Variants in ATP8A2 observed in about 807,000 individuals in gnomAD.
ATP8A2 encodes phospholipid-transporting ATPase IB.
In ATP8A2, 100 loss-of-function variants were observed where a neutral mutation model predicts 165.6. The observed-to-expected ratio is 0.60, with a 90% CI of 0.51 to 0.71. The LOEUF is 0.71. Ranked by LOEUF, ATP8A2 falls within the 30% of genes least tolerant of loss-of-function variation. The probability of loss-of-function intolerance (pLI) is 0.00; values close to 1 mark genes in which losing one functional copy is unlikely to be tolerated. For synonymous variants in ATP8A2, 543 were observed against 548.8 expected, an observed-to-expected ratio of 0.99 and a Z score of 0.15; for missense variants, 1,227 against 1,479.5, an observed-to-expected ratio of 0.83 and a Z score of 2.80.
intron 33 of ATP8A2, among the ~76,000 whole-genome samples, chr13:25,950,042 C>T (rs1189838619): frequency 1.3e-5 from 2 of 152,138 alleles, no homozygotes; most frequent in African/African-American, 4.8e-5. Flanking sequence ...TCAGGTGATC[C>T]ACCTGCCTCT....
intron 35 of ATP8A2, among the ~76,000 whole-genome samples, chr13:25,986,407 G>C (rs959416924): frequency 4.6e-5 from 7 of 152,114 alleles, no homozygotes; most frequent in African/African-American, 1.7e-4. Context: ...TCTTCTCTTT[G>C]TTTGTGAGTT....
intron 24 of ATP8A2, among the ~76,000 whole-genome samples, chr13:25,653,986 A>G (rs1317818195): frequency 6.6e-6 from 1 of 152,164 alleles, no homozygotes; most frequent in Non-Finnish European, 1.5e-5. Flanking sequence ...GGCCTTGGGA[A>G]GAAAGGTGAG....
intron 27 of ATP8A2, among the ~76,000 whole-genome samples, chr13:25,820,032 A>G (rs1951134264): frequency 6.6e-6 from 1 of 152,208 alleles, no homozygotes. Flanking sequence ...GAGCAGAGTA[A>G]ATAGAAGAAC....
chr13:25,591,170 T>C (rs2040065452), intron 24 of ATP8A2: 1 of 413,548 alleles, frequency 2.4e-6, no homozygotes, highest in African/African-American at 2.0e-5. Context: ...TAAATTGTTG[T>C]GAAATACATC....
intron 33 of ATP8A2, among the ~76,000 whole-genome samples, chr13:25,921,041 G>A (rs1954437980): frequency 6.6e-6 from 1 of 152,134 alleles, no homozygotes; most frequent in Admixed American, 6.5e-5. Context: ...CTGCACTCCA[G>A]CTTGGGCAAC....
chr13:25,504,421 CTTTTTTTT>C (rs577817952), intron 2 of ATP8A2, among the ~76,000 whole-genome samples: 2 of 124,188 alleles, frequency 1.6e-5, no homozygotes, highest in Non-Finnish European at 3.4e-5. Flanking sequence ...CTTTCCTTTC[CTTTTTTTT>C]TTTTTTTTTT....
chr13:25,658,769 C>T (rs1566021823), intron 24 of ATP8A2, among the ~76,000 whole-genome samples: 1 of 152,206 alleles, frequency 6.6e-6, no homozygotes, highest in African/African-American at 2.4e-5. Flanking sequence ...AACCATACTT[C>T]TCTGAACTTT....
chr13:25,995,803 G>A (rs956445885), intron 35 of ATP8A2, among the ~76,000 whole-genome samples: 10 of 152,066 alleles, frequency 6.6e-5, no homozygotes, highest in African/African-American at 9.7e-5. Flanking sequence ...TTGGTTGATG[G>A]CGTTTGGCAG....
intron 35 of ATP8A2, among the ~76,000 whole-genome samples, chr13:26,009,756 T>A (rs1470340835): frequency 6.6e-6 from 1 of 152,052 alleles, no homozygotes; most frequent in African/African-American, 2.4e-5. Context: ...AAGCAAGAAG[T>A]CACATTTTTA....
chr13:25,605,071 A>G (rs2040481807), intron 24 of ATP8A2, among the ~76,000 whole-genome samples: 1 of 152,234 alleles, frequency 6.6e-6, no homozygotes, highest in Non-Finnish European at 1.5e-5. Context: ...ATGGTTCTTA[A>G]GCTGAGATAA....
At chr13:25,936,455 C>T (rs191043570) in intron 33 of ATP8A2, among the ~76,000 whole-genome samples, 39 of 152,282 alleles carry the variant, frequency 2.6e-4, no homozygotes, top group African/African-American at 7.2e-4. Flanking sequence ...AATGGGCCTG[C>T]GTATCAGGAC....
chr13:25,691,230 T>A (rs2042717798), intron 24 of ATP8A2, among the ~76,000 whole-genome samples: 1 of 152,112 alleles, frequency 6.6e-6, no homozygotes, highest in Admixed American at 6.6e-5. Flanking sequence ...GAGGGAACTT[T>A]GGGGATGATG....
At chr13:25,610,883 C>CT (rs56730760) in intron 24 of ATP8A2, among the ~76,000 whole-genome samples, 87,677 of 120,526 alleles carry the variant, frequency 0.73, 32,689 homozygotes, top group Admixed American at 0.8. Flanking sequence ...AGGTATATTC[C>CT]TTTTTTTTTT....
At chr13:25,992,424 G>A (rs1956413918) in intron 35 of ATP8A2, among the ~76,000 whole-genome samples, 1 of 151,782 alleles carries the variant, frequency 6.6e-6, no homozygotes, top group African/African-American at 2.4e-5. Flanking sequence ...TTTATATTGA[G>A]TTTTGAGAGT....
intron 30 of ATP8A2, among the ~76,000 whole-genome samples, chr13:25,856,864 G>A (rs1470350646): frequency 6.6e-6 from 1 of 152,174 alleles, no homozygotes; most frequent in Non-Finnish European, 1.5e-5. Context: ...GGGCTGCACA[G>A]TTATAACACG....
At position 25,983,681 on chromosome 13, in the gene ATP8A2, A is replaced by G. The variant is rs77871755; in HGVS notation, c.3377+15002A>G. ...TGTAGTTGTGAACTTAAAGGTGTAA[A>G]TATTGTCATCCTTTATGGAGATGTG... On this transcript the variant is annotated intron_variant, in intron 35 of 36. Coordinates refer to ENST00000381655, the MANE Select transcript of ATP8A2 (RefSeq NM_016529.6). Among the ~76,000 whole-genome samples, 1,033 of 152,244 alleles carry G rather than the reference A, an allele frequency of 6.8e-3. 10 individuals are homozygous for G. Among genetic ancestry groups the G allele is most frequent in the African/African-American group, 0.023 (970 of 41,534 alleles).
At chr13:25,812,608 G>A (rs1367822729) in intron 27 of ATP8A2, among the ~76,000 whole-genome samples, 4 of 96,800 alleles carry the variant, frequency 4.1e-5, no homozygotes, top group Middle Eastern at 5.7e-3. Flanking sequence ...ATGAGTAATA[G>A]GAATAGAAAT....
At chr13:26,012,394 G>A in intron 35 of ATP8A2, 137 bp from the exon 36 acceptor site, 1 of 673,526 alleles carries the variant, frequency 1.5e-6, no homozygotes, top group Non-Finnish European at 2.5e-6. Flanking sequence ...TGGAAATCAC[G>A]GGCCGCTGGT....
chr13:25,531,227 TTATATATGATATATATGTTATATATGA>T (rs1566228932), intron 4 of ATP8A2, among the ~76,000 whole-genome samples: 184 of 111,732 alleles, frequency 1.6e-3, no homozygotes, highest in South Asian at 4.0e-3. Flanking sequence ...ATGATATATG[TTATATATGATATATATGTTATATATGA>T]TATATATGAT....
Sources: allele counts gnomAD v4.1 joint callset (sites outside exome capture counted in the v4.1 genomes callset), GRCh38; gene constraint gnomAD v4.1.1; transcripts MANE v1.5; gene names NCBI Gene and HGNC (gene_info 2026-07-23, HGNC 2026-07-21).